ATP10B: variants seen among roughly 807,000 people sequenced by gnomAD.
ATP10B encodes ATPase phospholipid transporting 10B (putative), also known as phospholipid-transporting ATPase VB.
ATP10B carries 122 observed loss-of-function variants against 141.2 expected under a neutral mutation model. The observed-to-expected ratio is 0.86, with a 90% confidence interval of 0.75 to 1.00. ATP10B has a LOEUF of 1.00. Among genes scored for constraint, ATP10B ranks in the 50% least tolerant of loss-of-function variants. The probability of loss-of-function intolerance (pLI) is 0.00; values close to 1 mark genes in which losing one functional copy is unlikely to be tolerated. For missense variants in ATP10B, 1,876 were observed against 1,825.3 expected, an observed-to-expected ratio of 1.03 and a Z score of -0.51; for synonymous variants, 685 against 692.0, an observed-to-expected ratio of 0.99 and a Z score of 0.16.
chr5:160,616,945 G>A (rs1024235803), intron 16 of ATP10B, among the ~76,000 whole-genome samples: 1 of 152,196 alleles, frequency 6.6e-6, no homozygotes, highest in Non-Finnish European at 1.5e-5. Flanking sequence ...CTGCATGAGG[G>A]AGGGCTGATT....
chr5:160,659,290 T>G (rs1273317250), intron 7 of ATP10B, among the ~76,000 whole-genome samples: 4 of 151,724 alleles, frequency 2.6e-5, no homozygotes, highest in Non-Finnish European at 5.9e-5. Flanking sequence ...ATAGTGAAAC[T>G]CCGTCTCTAC....
At chr5:160,857,624 C>T in the ATP10B span, among the ~76,000 whole-genome samples, 1 of 151,728 alleles carries the variant, frequency 6.6e-6, no homozygotes, top group African/African-American at 2.4e-5. Flanking sequence ...AAAATTTTCT[C>T]TTTTCTAGCA....
At chr5:160,604,136 T>A (rs1757249387) in intron 19 of ATP10B, 95 bp from the exon 20 acceptor site, 1 of 866,186 alleles carries the variant, frequency 1.2e-6, no homozygotes, top group Non-Finnish European at 2.0e-6. Flanking sequence ...TACAATTGAA[T>A]CCTTTTAACA....
At chr5:160,899,121 T>C in the ATP10B span, among the ~76,000 whole-genome samples, 2 of 152,110 alleles carry the variant, frequency 1.3e-5, no homozygotes, top group Non-Finnish European at 2.9e-5. Flanking sequence ...TCTGCACATA[T>C]ATCCCAGAAC....
At chr5:160,736,076 C>G (rs887766951) in intron 2 of ATP10B, among the ~76,000 whole-genome samples, 2 of 151,876 alleles carry the variant, frequency 1.3e-5, no homozygotes, top group Non-Finnish European at 2.9e-5. Context: ...TCTTAAAGCA[C>G]TAGAAAAGCA....
chr5:160,648,452 A>G (rs563325413), intron 8 of ATP10B, among the ~76,000 whole-genome samples: 70 of 152,322 alleles, frequency 4.6e-4, no homozygotes, highest in African/African-American at 1.6e-3. Flanking sequence ...AAAGCATCGT[A>G]TAAGGGCATT....
Position 160,715,979 on chromosome 5 carries a change from G to A in ATP10B, c.-205+930C>T, listed in dbSNP as rs1206933785. On this transcript the variant is annotated intron_variant, in intron 3 of 25. Coordinates refer to ENST00000327245, the MANE Select transcript of ATP10B (RefSeq NM_025153.3). ...TCTCCTGGGCCTCCCAAAGTGCTGG[G>A]ATTACAGGCATGAGCCACCATACCC... Among the ~76,000 whole-genome samples the A allele has an allele frequency of 2.0e-5, 3 of 152,104 alleles. No individual in the cohort carries two copies. In the East Asian group the frequency reaches 5.8e-4, roughly 29 times the overall value.
chr5:160,604,173 G>T, intron 19 of ATP10B, 132 bp from the exon 20 acceptor site: 2 of 682,238 alleles, frequency 2.9e-6, no homozygotes, highest in Non-Finnish European at 5.3e-6. Flanking sequence ...GAAAGTCATT[G>T]CTATAGTGCT....
chr5:160,652,887 AATTATATAATATATTATATATACATGT>A lies in ATP10B; in HGVS notation c.676-3658_676-3632del, dbSNP rs1760906711. ...TATATAATATATATAATATATATAT[AATTATATAATATATTATATATACATGT>A]ATATATAATATATTATATATACATG... On this transcript the variant is annotated intron_variant, in intron 7 of 25. Transcript: ENST00000327245. 8.6e-5 allele frequency among the ~76,000 whole-genome samples: 3 copies of A among 34,870 alleles called. 1 individual carries two copies. Among genetic ancestry groups the A allele is most frequent in the African/African-American group, 3.7e-4 (3 of 8,128 alleles). The allele number at this position is 34,870 out of a possible 152,430, so 22.9% of individuals were successfully genotyped here. A position where few individuals can be genotyped will look rare whatever the true frequency, so the allele number is the denominator to read the frequency against.
In ATP10B at chr5:160,840,694, G is replaced by A. The variant is rs528739769; in HGVS notation, c.-576+11247C>T. On this transcript the variant is annotated intron_variant, in intron 1 of 25. Transcript: ENST00000327245. The stretch of plus-strand genomic sequence containing the variant: ...AGATGTGATAAAAGATTGATAAACT[G>A]ACTACATATGGCAAAAATACCAGAA... 3.3e-5 allele frequency among the ~76,000 whole-genome samples: 5 copies of A among 152,098 alleles called. No homozygotes were observed. The South Asian group carries it at 1.0e-3, about 32-fold the overall frequency.
chr5:160,644,202 A>T lies in ATP10B; in HGVS notation c.804T>A (p.Ser268Arg), dbSNP rs774679050. Residue 268 changes from serine to arginine, a missense_variant, in exon 9 of 26, where the codon AGT becomes AGA. By Grantham distance (110) the Ser-to-Arg change is moderately radical (BLOSUM62 -1). Transcript: ENST00000327245. ...TGATGGTGCAGCCTCGAAGCAGAAG[A>T]CTCTCACAGCCAAAGCCAGTCCTGG... ...DQTRTGFGCE[S>R]LLLRGCTIRN... 2 of 1,613,810 alleles carry T rather than the reference A, an allele frequency of 1.2e-6. No individual in the cohort carries two copies. The highest frequency in any genetic ancestry group is 2.2e-5 in the South Asian group (2 of 91,038).
Position 160,617,945 on chromosome 5 carries a change from C to T in ATP10B, c.2445G>A (p.Leu815=). The change falls in exon 16 of 26, where the codon CTG becomes CTA. Residue 815 remains leucine, a synonymous_variant. Coordinates refer to ENST00000327245, the MANE Select transcript of ATP10B (RefSeq NM_025153.3). ...TTTGGGTCCGGGCTCGGATTTTTCT[C>T]AGCTTCTTTTCCATATTAATGTCAG... is the stretch of plus-strand genomic sequence containing the variant. The part of the protein sequence containing the change: ...CVPDINMEKK[L]RKIRARTQKH... 7 of 1,614,176 alleles carry T rather than the reference C, an allele frequency of 4.3e-6. 1 individual carries two copies. The South Asian group carries it at 7.7e-5, about 18-fold the overall frequency.
rs539880313 is a variant in ATP10B at position 160,686,628 on chromosome 5, A to C, written c.276-355T>G. 3.9e-5 allele frequency among the ~76,000 whole-genome samples: 6 copies of C among 152,242 alleles called. No individual in the cohort carries two copies. In the South Asian group the frequency reaches 1.2e-3, roughly 32 times the overall value. On this transcript the variant is annotated intron_variant, in intron 5 of 25. Coordinates refer to ENST00000327245, the MANE Select transcript of ATP10B (RefSeq NM_025153.3). ...CCCCAAAGTTTGTTTTGTCATGCTT[A>C]TGGATGAGACTGGAGATGATTATTC...
chr5:160,800,205 C>T lies in ATP10B; in HGVS notation c.-575-14402G>A, dbSNP rs74884259. On this transcript the variant is annotated intron_variant, in intron 1 of 25. Coordinates refer to ENST00000327245, the MANE Select transcript of ATP10B (RefSeq NM_025153.3). ...GTAAAGTATGAACTTGGAGTCCACA[C>T]CTCGGTTTAAATCCTGGTTCTGCAA... 2.9e-3 allele frequency among the ~76,000 whole-genome samples: 439 copies of T among 152,262 alleles called. 3 individuals are homozygous for T. The highest frequency in any genetic ancestry group is 4.7e-3 in the Non-Finnish European group (323 of 68,026).
intron 15 of ATP10B, among the ~76,000 whole-genome samples, chr5:160,619,730 T>C (rs1254657069): frequency 6.6e-6 from 1 of 152,180 alleles, no homozygotes; most frequent in Non-Finnish European, 1.5e-5. Context: ...CACTGATATG[T>C]AGGGACTTTG....
the ATP10B span, among the ~76,000 whole-genome samples, chr5:160,876,530 A>T: frequency 3.4e-5 from 5 of 147,802 alleles, no homozygotes; most frequent in Non-Finnish European, 7.6e-5. Context: ...AGAAATAACT[A>T]AAATCAGAGC....
intron 7 of ATP10B, among the ~76,000 whole-genome samples, chr5:160,656,323 C>A (rs1181654813): frequency 1.3e-5 from 2 of 152,120 alleles, no homozygotes; most frequent in Non-Finnish European, 2.9e-5. Flanking sequence ...TGATGCCCTG[C>A]CCATTAAACA....
At chr5:160,699,210 A>G (rs1455154199) in intron 3 of ATP10B, among the ~76,000 whole-genome samples, 1 of 152,224 alleles carries the variant, frequency 6.6e-6, no homozygotes, top group Non-Finnish European at 1.5e-5. Context: ...CCTTTGTGAG[A>G]GACAGGTAAA....
At chr5:160,644,336 C>T (rs1760113797) in intron 8 of ATP10B, 92 bp from the exon 9 acceptor site, 1 of 834,884 alleles carries the variant, frequency 1.2e-6, no homozygotes, top group Admixed American at 1.8e-5. Flanking sequence ...GGTGAGTGAA[C>T]ATGATCCCTC....
Sources: gnomAD v4.1 joint callset for allele counts (sites outside exome capture counted in the v4.1 genomes callset) on GRCh38, gnomAD v4.1.1 for gene constraint, MANE v1.5 for transcripts, NCBI Gene and HGNC (gene_info 2026-07-23, HGNC 2026-07-21) for gene names.